Variants in EYA2 observed in about 807,000 individuals in gnomAD.
EYA2 encodes protein phosphatase EYA2.
EYA2 carries 31 observed loss-of-function variants against 69.2 expected under a neutral mutation model. The ratio of observed to expected loss-of-function variants is 0.45; its 90% CI spans 0.34 to 0.60. The LOEUF is 0.60. EYA2 is among the 20% of genes least tolerant of loss of function. EYA2 has a pLI of 0.02. For synonymous variants in EYA2, 257 were observed against 279.4 expected, an observed-to-expected ratio of 0.92 and a Z score of 0.80; for missense variants, 622 against 701.2, an observed-to-expected ratio of 0.89 and a Z score of 1.28.
intron 1 of EYA2, among the ~76,000 whole-genome samples, chr20:46,981,213 A>G (rs1042883975): frequency 4.6e-5 from 7 of 152,196 alleles, no homozygotes; most frequent in African/African-American, 1.7e-4. Context: ...GATCATGTAA[A>G]TGTGATCAGG....
At chr20:47,161,191 G>A (rs921951611) in intron 10 of EYA2, 13 of 443,972 alleles carry the variant, frequency 2.9e-5, no homozygotes, top group Middle Eastern at 6.5e-4. Flanking sequence ...TACAAGGGAC[G>A]GTGTGGGGCT....
intron 1 of EYA2, among the ~76,000 whole-genome samples, chr20:46,926,412 G>A (rs1319857717): frequency 6.6e-6 from 1 of 152,124 alleles, no homozygotes; most frequent in Non-Finnish European, 1.5e-5. Flanking sequence ...AGAAACTAAT[G>A]GTATCAATCA....
At chr20:47,106,110 G>GT (rs559198230) in intron 9 of EYA2, among the ~76,000 whole-genome samples, 1 of 152,242 alleles carries the variant, frequency 6.6e-6, no homozygotes, top group South Asian at 2.1e-4. Flanking sequence ...TTTTGTTTTT[G>GT]TTTTTTACTG....
chr20:47,009,244 G>A (rs1982914969), intron 4 of EYA2, among the ~76,000 whole-genome samples: 3 of 152,202 alleles, frequency 2.0e-5, no homozygotes, highest in Admixed American at 2.0e-4. Context: ...ACAATAACAG[G>A]TGGATGAAAA....
intron 14 of EYA2, 89 bp downstream of exon 14, chr20:47,181,025 A>C (rs111826483): frequency 4.6e-6 from 7 of 1,528,110 alleles, no homozygotes; most frequent in African/African-American, 4.1e-5. Context: ...AAGGAACATG[A>C]CACCACAGAA....
intron 9 of EYA2, among the ~76,000 whole-genome samples, chr20:47,098,846 C>T (rs1269160230): frequency 6.6e-6 from 1 of 152,214 alleles, no homozygotes; most frequent in African/African-American, 2.4e-5. Flanking sequence ...CAAGCCTACC[C>T]CCAGCCTCCA....
intron 15 of EYA2, among the ~76,000 whole-genome samples, chr20:47,185,199 A>G (rs6122562): frequency 0.4 from 60,197 of 150,150 alleles, 12,609 homozygotes; most frequent in Non-Finnish European, 0.48. Flanking sequence ...GGAACCTTTA[A>G]GCCTGGGGTA....
intron 10 of EYA2, among the ~76,000 whole-genome samples, chr20:47,156,028 A>G (rs865918900): frequency 1.6e-5 from 2 of 127,702 alleles, no homozygotes; most frequent in African/African-American, 6.7e-5. Flanking sequence ...ATATATATAT[A>G]TATACATACA....
At chr20:47,179,068 TTA>T (rs2146668814) in intron 12 of EYA2, among the ~76,000 whole-genome samples, 1 of 152,186 alleles carries the variant, frequency 6.6e-6, no homozygotes, top group Non-Finnish European at 1.5e-5. Flanking sequence ...TCATCATTTT[TTA>T]TGTTATTATT....
intron 9 of EYA2, among the ~76,000 whole-genome samples, chr20:47,121,075 TTTGTTGTTGTTG>T (rs146530303): frequency 1.3e-5 from 2 of 151,666 alleles, no homozygotes; most frequent in Admixed American, 6.6e-5. Flanking sequence ...GGAATTCAAG[TTTGTTGTTGTTG>T]TTGTTGTTGT....
chr20:47,101,424 G>A (rs1296515192), intron 9 of EYA2, among the ~76,000 whole-genome samples: 1 of 152,188 alleles, frequency 6.6e-6, no homozygotes, highest in Non-Finnish European at 1.5e-5. Context: ...AGAAGTTGCA[G>A]GCATCACTTC....
At chr20:47,075,783 A>G (rs2031493395) in intron 7 of EYA2, among the ~76,000 whole-genome samples, 1 of 152,098 alleles carries the variant, frequency 6.6e-6, no homozygotes, top group Admixed American at 6.5e-5. Context: ...GGTTTAGTGT[A>G]CAGATAATTT....
intron 1 of EYA2, among the ~76,000 whole-genome samples, chr20:46,958,913 C>T (rs981833609): frequency 4.6e-5 from 7 of 152,190 alleles, no homozygotes; most frequent in African/African-American, 7.2e-5. Context: ...ATGGTGGATA[C>T]GTACCACATT....
chr20:47,182,017 C>CT (rs1410546909), intron 14 of EYA2, among the ~76,000 whole-genome samples: 1 of 151,532 alleles, frequency 6.6e-6, no homozygotes, highest in Non-Finnish European at 1.5e-5. Context: ...CCATCTTAAC[C>CT]TTTTTTCTTT....
intron 1 of EYA2, among the ~76,000 whole-genome samples, chr20:46,982,576 C>T (rs1164913124): frequency 6.6e-6 from 1 of 152,120 alleles, no homozygotes; most frequent in Non-Finnish European, 1.5e-5. Flanking sequence ...GCTCCTATTA[C>T]ATGTGTGCTA....
intron 1 of EYA2, among the ~76,000 whole-genome samples, chr20:46,937,882 A>T (rs1477673402): frequency 6.6e-6 from 1 of 152,176 alleles, no homozygotes; most frequent in African/African-American, 2.4e-5. Context: ...TCTGCGTGCC[A>T]GGCTCAGGGG....
At chr20:47,016,783 T>C (rs1983439184) in intron 5 of EYA2, among the ~76,000 whole-genome samples, 1 of 152,150 alleles carries the variant, frequency 6.6e-6, no homozygotes, top group Non-Finnish European at 1.5e-5. Flanking sequence ...GGCACAGAGC[T>C]GAGACCAGTG....
chr20:46,906,987 G>A lies in EYA2; in HGVS notation c.-11+12000G>A, dbSNP rs146381734. ...AGGGTACAGTACACTACAGAAGCCA[G>A]TCTCTCCACGTTCAAATCCACTGTC... On this transcript the variant is annotated intron_variant, in intron 1 of 15. Transcript: ENST00000327619. Among the ~76,000 whole-genome samples the A allele has an allele frequency of 1.6e-3, 242 of 152,290 alleles. 1 individual carries two copies. Among genetic ancestry groups the A allele is most frequent in the African/African-American group, 5.2e-3 (215 of 41,564 alleles).
At chr20:46,989,146 T>G (rs1215957003) in intron 1 of EYA2, among the ~76,000 whole-genome samples, 1 of 152,158 alleles carries the variant, frequency 6.6e-6, no homozygotes, top group Non-Finnish European at 1.5e-5. Context: ...CATGGGTGAT[T>G]CAGGAGCCAG....
Sources: allele counts gnomAD v4.1 joint callset (sites outside exome capture counted in the v4.1 genomes callset), GRCh38; gene constraint gnomAD v4.1.1; transcripts MANE v1.5; gene names NCBI Gene and HGNC (gene_info 2026-07-23, HGNC 2026-07-21).